The following LINGO2 variants were observed in gnomAD, a reference collection of about 807,000 sequenced individuals.
LINGO2 encodes leucine-rich repeat and immunoglobulin-like domain-containing nogo receptor-interacting protein 2.
LINGO2 carries 14 observed loss-of-function variants against 30.6 expected under a neutral mutation model. That is an observed-to-expected ratio of 0.46 (90% CI 0.30 to 0.72). LINGO2 has a LOEUF of 0.72. Ranked by LOEUF, LINGO2 falls within the 30% of genes least tolerant of loss-of-function variation. The probability of loss-of-function intolerance (pLI) is 0.07; values close to 1 mark genes in which losing one functional copy is unlikely to be tolerated. For synonymous variants in LINGO2, 317 were observed against 288.5 expected, an observed-to-expected ratio of 1.10 and a Z score of -1.00; for missense variants, 729 against 751.7, an observed-to-expected ratio of 0.97 and a Z score of 0.35.
At chr9:28,786,227 T>C in the LINGO2 span, among the ~76,000 whole-genome samples, 1 of 152,174 alleles carries the variant, frequency 6.6e-6, no homozygotes, top group African/African-American at 2.4e-5. Flanking sequence ...TCTTCCTTTC[T>C]AATGCTACTA....
At chr9:28,682,502 G>A in the LINGO2 span, among the ~76,000 whole-genome samples, 1 of 152,182 alleles carries the variant, frequency 6.6e-6, no homozygotes, top group South Asian at 2.1e-4. Context: ...ATATTGCTTA[G>A]GAATCTTGAG....
At chr9:28,736,426 C>G in the LINGO2 span, among the ~76,000 whole-genome samples, 1 of 152,168 alleles carries the variant, frequency 6.6e-6, no homozygotes, top group Non-Finnish European at 1.5e-5. Context: ...TAAACACCTT[C>G]TATAAACTCT....
chr9:28,359,002 C>A (rs909873861), intron 3 of LINGO2, among the ~76,000 whole-genome samples: 5 of 152,112 alleles, frequency 3.3e-5, no homozygotes, highest in African/African-American at 1.2e-4. Context: ...TTTTGAGACA[C>A]CAGAGAGATT....
rs546281245 is a variant in LINGO2, at chr9:28,179,409, GT to G, written c.-87+115798del. ...TAGTATATATATACTATAGTATATA[GT>G]ATACTATATGTATGTATACTATACT... On this transcript the variant is annotated intron_variant, in intron 4 of 5. Coordinates refer to ENST00000379992, the Ensembl canonical transcript of LINGO2. 1.1e-3 allele frequency among the ~76,000 whole-genome samples: 129 copies of G among 122,408 alleles called. 1 individual carries two copies. Among genetic ancestry groups the G allele is most frequent in the African/African-American group, 3.8e-3 (125 of 33,172 alleles). 80.3% of individuals were successfully genotyped at this position (122,408 alleles called of 152,430 possible).
At chr9:28,865,477 A>G in the LINGO2 span, among the ~76,000 whole-genome samples, 1 of 152,076 alleles carries the variant, frequency 6.6e-6, no homozygotes, top group Admixed American at 6.6e-5. Context: ...AGAGTTTGAC[A>G]TGGGTTTAAA....
intron 1 of LINGO2, among the ~76,000 whole-genome samples, chr9:28,612,919 G>A (rs1247754940): frequency 1.1e-4 from 16 of 152,142 alleles, no homozygotes; most frequent in Admixed American, 9.8e-4. Context: ...TAATCCCCAA[G>A]TGTCAAGGGA....
At chr9:28,562,457 CAAAAAAA>C (rs56998877) in intron 1 of LINGO2, among the ~76,000 whole-genome samples, 1 of 109,206 alleles carries the variant, frequency 9.2e-6, no homozygotes, top group African/African-American at 3.7e-5. Context: ...CATTTACTTT[CAAAAAAA>C]AAAAAAAAAA....
chr9:28,839,778 C>T, the LINGO2 span, among the ~76,000 whole-genome samples: 1 of 152,160 alleles, frequency 6.6e-6, no homozygotes, highest in African/African-American at 2.4e-5. Flanking sequence ...TAGGCCATCC[C>T]AGGCTTGAAG....
the LINGO2 span, among the ~76,000 whole-genome samples, chr9:28,708,335 G>A: frequency 5.9e-5 from 9 of 152,092 alleles, no homozygotes; most frequent in Non-Finnish European, 8.8e-5. Flanking sequence ...TATAATTCAG[G>A]GATCCCCAAG....
At chr9:28,246,791 G>C (rs1231468154) in intron 4 of LINGO2, among the ~76,000 whole-genome samples, 1 of 152,102 alleles carries the variant, frequency 6.6e-6, no homozygotes, top group Admixed American at 6.5e-5. Flanking sequence ...CACAGCAAAA[G>C]AAACTATCGT....
chr9:28,263,980 A>T (rs1822656548), intron 4 of LINGO2, among the ~76,000 whole-genome samples: 1 of 151,932 alleles, frequency 6.6e-6, no homozygotes. Flanking sequence ...ACTTAAAATG[A>T]CCTACAATGG....
At position 28,147,043 on chromosome 9, in the gene LINGO2, C is replaced by T. The variant is rs1827834266; in HGVS notation, c.-86-134638G>A. Among the ~76,000 whole-genome samples, 1 of 152,198 alleles carries T rather than the reference C, an allele frequency of 6.6e-6. No homozygotes were observed. Among genetic ancestry groups the T allele is most frequent in the South Asian group, 2.1e-4 (1 of 4,826 alleles). ...ATTAGAAGAGCAATGTGGGATGGTG[C>T]TGTGCTGACAACTGGTAATTCCTGC... On this transcript the variant is annotated intron_variant, in intron 4 of 5. Coordinates refer to ENST00000379992, the Ensembl canonical transcript of LINGO2. The surrounding 1 kb of genome is among the most constrained non-coding windows in gnomAD (Gnocchi z 4.7).
chr9:28,892,166 T>C, the LINGO2 span, among the ~76,000 whole-genome samples: 1 of 151,968 alleles, frequency 6.6e-6, no homozygotes. Flanking sequence ...CATGCTAGAC[T>C]GCAGCGATGC....
chr9:28,654,897 C>A (rs898055430), intron 1 of LINGO2, among the ~76,000 whole-genome samples: 1 of 152,232 alleles, frequency 6.6e-6, no homozygotes, highest in Non-Finnish European at 1.5e-5. Context: ...ACTCAATTAT[C>A]ATGAGTCATG....
At chr9:28,573,411 G>T (rs1209909355) in intron 1 of LINGO2, among the ~76,000 whole-genome samples, 1 of 152,046 alleles carries the variant, frequency 6.6e-6, no homozygotes, top group Non-Finnish European at 1.5e-5. Context: ...AGACCCTAAA[G>T]TTGGCTACAG....
intron 4 of LINGO2, among the ~76,000 whole-genome samples, chr9:28,227,293 T>C (rs1181167110): frequency 6.6e-6 from 1 of 152,096 alleles, no homozygotes; most frequent in East Asian, 1.9e-4. Flanking sequence ...TGGTTCTGTT[T>C]TACTAAATTC....
At chr9:28,568,532 A>G (rs1216343035) in intron 1 of LINGO2, among the ~76,000 whole-genome samples, 1 of 152,048 alleles carries the variant, frequency 6.6e-6, no homozygotes, top group East Asian at 1.9e-4. Flanking sequence ...AGGGAACTTC[A>G]CCAAGACACT....
At chr9:28,883,624 G>GTGTGTGTGTATGTATATATA in the LINGO2 span, among the ~76,000 whole-genome samples, 1 of 25,482 alleles carries the variant, frequency 3.9e-5, no homozygotes, top group South Asian at 2.5e-3. Context: ...AAATATGTGT[G>GTGTGTGTGTATGTATATATA]TGTGTATATA....
chr9:28,883,095 A>G, the LINGO2 span, among the ~76,000 whole-genome samples: 1 of 152,164 alleles, frequency 6.6e-6, no homozygotes, highest in Non-Finnish European at 1.5e-5. Flanking sequence ...AAGATTATAG[A>G]TGATTTGGAG....
Sources: allele counts gnomAD v4.1 joint callset (sites outside exome capture counted in the v4.1 genomes callset), GRCh38; gene constraint gnomAD v4.1.1; non-coding constraint Gnocchi (gnomAD v3.1); transcripts MANE v1.5; gene names NCBI Gene and HGNC (gene_info 2026-07-23, HGNC 2026-07-21).